The following KIF16B variants were observed in gnomAD, a reference collection of about 807,000 sequenced individuals.
KIF16B encodes the protein kinesin family member 16B.
Under a neutral mutation model 156.3 loss-of-function variants are expected in KIF16B, and 98 were observed. The ratio of observed to expected loss-of-function variants is 0.63; its 90% CI spans 0.53 to 0.74. The LOEUF is 0.74. Among genes scored for constraint, KIF16B ranks in the 30% least tolerant of loss-of-function variants. The probability of loss-of-function intolerance (pLI) is 0.00; values close to 1 mark genes in which losing one functional copy is unlikely to be tolerated. For missense variants in KIF16B, 1,421 were observed against 1,606.5 expected (o/e 0.88, Z 1.97); for synonymous variants, 564 against 583.7 (o/e 0.97, Z 0.49).
chr20:16,278,932 G>A (rs1486329265), intron 25 of KIF16B, among the ~76,000 whole-genome samples: 1 of 152,190 alleles, frequency 6.6e-6, no homozygotes, highest in African/African-American at 2.4e-5. Context: ...GCCTGATGGT[G>A]CTTTCGTGGG....
chr20:16,286,993 T>C (rs1319844930), intron 25 of KIF16B, among the ~76,000 whole-genome samples: 1 of 152,244 alleles, frequency 6.6e-6, no homozygotes, highest in African/African-American at 2.4e-5. Context: ...CGTGTCTTGA[T>C]ACCACCTGGA....
At chr20:16,504,594 C>A (rs764738307) in intron 9 of KIF16B, 47 bp from the exon 10 acceptor site, 2 of 1,531,720 alleles carry the variant, frequency 1.3e-6, no homozygotes, top group Non-Finnish European at 1.8e-6. Context: ...ACTCCATGTT[C>A]CATTTAACAC....
chr20:16,363,319 C>T (rs2064587890), intron 22 of KIF16B, among the ~76,000 whole-genome samples: 1 of 152,138 alleles, frequency 6.6e-6, no homozygotes, highest in South Asian at 2.1e-4. Flanking sequence ...TCAGCCCATC[C>T]ATGGAGGTAC....
chr20:16,475,859 T>C (rs1332036889), intron 12 of KIF16B, among the ~76,000 whole-genome samples: 1 of 152,276 alleles, frequency 6.6e-6, no homozygotes, highest in African/African-American at 2.4e-5. Context: ...TACTCTGCTC[T>C]TGAAGCAAGA....
intron 1 of KIF16B, among the ~76,000 whole-genome samples, chr20:16,559,434 T>TAG (rs1353381057): frequency 1.3e-5 from 2 of 152,184 alleles, no homozygotes; most frequent in South Asian, 4.2e-4. Context: ...AAAAAAGTCT[T>TAG]AACTAAGAAT....
At chr20:16,301,485 C>A (rs1233962346) in intron 25 of KIF16B, among the ~76,000 whole-genome samples, 1 of 152,172 alleles carries the variant, frequency 6.6e-6, no homozygotes, top group African/African-American at 2.4e-5. Flanking sequence ...ACAACCTCAC[C>A]AGCATTTGGT....
chr20:16,336,699 T>A (rs1280899475), intron 23 of KIF16B, among the ~76,000 whole-genome samples: 6 of 152,318 alleles, frequency 3.9e-5, no homozygotes, highest in African/African-American at 1.4e-4. Flanking sequence ...CAGTCCCAGC[T>A]CTGGTATTCT....
intron 22 of KIF16B, chr20:16,367,125 G>A (rs756674853): frequency 5.2e-6 from 8 of 1,538,356 alleles, no homozygotes; most frequent in East Asian, 2.3e-5. Context: ...AACATGTAGT[G>A]CATCTTTAAA....
intron 10 of KIF16B, among the ~76,000 whole-genome samples, chr20:16,497,931 C>T (rs985797047): frequency 3.3e-5 from 5 of 150,160 alleles, no homozygotes; most frequent in African/African-American, 1.2e-4. Flanking sequence ...AAAGATGTAA[C>T]ATATTGACAT....
At chr20:16,358,614 C>T (rs2064491624) in intron 22 of KIF16B, among the ~76,000 whole-genome samples, 1 of 152,154 alleles carries the variant, frequency 6.6e-6, no homozygotes, top group African/African-American at 2.4e-5. Flanking sequence ...TGGGAGGGAC[C>T]CAACTATGAA....
intron 12 of KIF16B, among the ~76,000 whole-genome samples, chr20:16,461,619 T>C (rs2067347608): frequency 6.6e-6 from 1 of 152,216 alleles, no homozygotes; most frequent in Admixed American, 6.5e-5. Flanking sequence ...GAGCTCTTTC[T>C]AAAAATCACA....
intron 17 of KIF16B, among the ~76,000 whole-genome samples, chr20:16,393,085 T>C (rs142452146): frequency 3.9e-5 from 6 of 152,316 alleles, no homozygotes; most frequent in African/African-American, 1.4e-4. Context: ...GTAGAAACTG[T>C]ATATCTAGTG....
At chr20:16,303,351 C>T (rs1295140198) in intron 25 of KIF16B, among the ~76,000 whole-genome samples, 1 of 152,164 alleles carries the variant, frequency 6.6e-6, no homozygotes, top group Non-Finnish European at 1.5e-5. Flanking sequence ...GGACATATTA[C>T]AGACTATATT....
At chr20:16,449,961 G>C (rs186224417) in intron 12 of KIF16B, among the ~76,000 whole-genome samples, 1 of 152,048 alleles carries the variant, frequency 6.6e-6, no homozygotes, top group South Asian at 2.1e-4. Flanking sequence ...GAAGAAAATC[G>C]AAAGAATTAA....
intron 25 of KIF16B, among the ~76,000 whole-genome samples, chr20:16,308,591 AGGC>A (rs2063573746): frequency 6.6e-6 from 1 of 152,268 alleles, no homozygotes; most frequent in East Asian, 1.9e-4. Context: ...CCCAAGACAT[AGGC>A]CTTCACCTGT....
intron 17 of KIF16B, among the ~76,000 whole-genome samples, chr20:16,392,707 G>A (rs2065398059): frequency 6.6e-6 from 1 of 152,230 alleles, no homozygotes; most frequent in African/African-American, 2.4e-5. Flanking sequence ...TGTCTGCCAT[G>A]CTCAGCTCTC....
At chr20:16,348,892 G>A (rs1008015106) in intron 23 of KIF16B, among the ~76,000 whole-genome samples, 3 of 152,212 alleles carry the variant, frequency 2.0e-5, no homozygotes, top group African/African-American at 4.8e-5. Context: ...GTTACTTAGG[G>A]ACGGAAAGGG....
At chr20:16,364,552 G>T (rs1232768498) in intron 22 of KIF16B, among the ~76,000 whole-genome samples, 2 of 152,182 alleles carry the variant, frequency 1.3e-5, no homozygotes, top group Non-Finnish European at 2.9e-5. Flanking sequence ...GAGCTCCTAG[G>T]ATTGAAGCCA....
chr20:16,478,257 G>A (rs947879272), intron 12 of KIF16B, among the ~76,000 whole-genome samples: 1 of 152,086 alleles, frequency 6.6e-6, no homozygotes, highest in Non-Finnish European at 1.5e-5. Context: ...GAACCATAAC[G>A]TGATACAACT....
Sources: gnomAD v4.1 joint callset for allele counts (sites outside exome capture counted in the v4.1 genomes callset) on GRCh38, gnomAD v4.1.1 for gene constraint, MANE v1.5 for transcripts, NCBI Gene and HGNC (gene_info 2026-07-23, HGNC 2026-07-21) for gene names.